Variants in ESR1 observed in about 807,000 individuals in gnomAD.
ESR1 encodes estrogen receptor.
In ESR1, 12 loss-of-function variants were observed where a neutral mutation model predicts 52.7. That is an observed-to-expected ratio of 0.23 (90% CI 0.15 to 0.37). The LOEUF (loss-of-function observed/expected upper bound fraction) is 0.37, where lower values mean the gene tolerates loss of function less well. Ranked by LOEUF, ESR1 falls within the 10% of genes least tolerant of loss-of-function variation. The pLI is 1.00. For missense variants in ESR1, 584 were observed against 779.7 expected (o/e 0.75, Z 2.99); for synonymous variants, 305 against 316.8 (o/e 0.96, Z 0.39).
At chr6:151,851,399 G>C (rs1786678218) in intron 2 of ESR1, among the ~76,000 whole-genome samples, 1 of 152,062 alleles carries the variant, frequency 6.6e-6, no homozygotes, top group Non-Finnish European at 1.5e-5. Context: ...GTCCTTAAAG[G>C]TGAGGGCCCA....
chr6:152,092,255 T>C (rs912079307), intron 6 of ESR1, among the ~76,000 whole-genome samples: 4 of 152,270 alleles, frequency 2.6e-5, no homozygotes, highest in Admixed American at 6.5e-5. Context: ...TTACTCATTC[T>C]GTGCTGTTTG....
chr6:151,785,367 T>C (rs1284854477), intron 2 of ESR1, among the ~76,000 whole-genome samples: 1 of 152,188 alleles, frequency 6.6e-6, no homozygotes, highest in Non-Finnish European at 1.5e-5. Flanking sequence ...TTTATACTTC[T>C]ACAATTTCCC....
chr6:151,963,725 AAGGTTGTATCC>A (rs2037932096), intron 4 of ESR1, among the ~76,000 whole-genome samples: 1 of 152,134 alleles, frequency 6.6e-6, no homozygotes, highest in Non-Finnish European at 1.5e-5. Flanking sequence ...CTGTGCATTC[AAGGTTGTATCC>A]AAAGAACTCA....
At chr6:151,991,901 C>T (rs1339850962) in intron 4 of ESR1, among the ~76,000 whole-genome samples, 2 of 152,086 alleles carry the variant, frequency 1.3e-5, no homozygotes, top group African/African-American at 2.4e-5. Flanking sequence ...CCACTCATCT[C>T]GTCGCAGACA....
chr6:152,071,044 C>T (rs985771368), intron 6 of ESR1, among the ~76,000 whole-genome samples: 1 of 95,656 alleles, frequency 1.0e-5, no homozygotes, highest in Non-Finnish European at 1.9e-5. Flanking sequence ...CTTGATTCAT[C>T]TGTAAAATAG....
At chr6:151,981,323 C>A (rs1399124568) in intron 4 of ESR1, among the ~76,000 whole-genome samples, 1 of 152,180 alleles carries the variant, frequency 6.6e-6, no homozygotes, top group African/African-American at 2.4e-5. Flanking sequence ...AACCAGAGAT[C>A]TGGAGAAGTT....
chr6:152,091,055 T>C (rs1322785743), intron 6 of ESR1, among the ~76,000 whole-genome samples: 1 of 152,216 alleles, frequency 6.6e-6, no homozygotes, highest in African/African-American at 2.4e-5. Context: ...CACTGTCTGC[T>C]CACTTGCTCT....
At chr6:151,809,151 C>G (rs764582681) in intron 1 of ESR1, 1 of 441,596 alleles carries the variant, frequency 2.3e-6, no homozygotes. Flanking sequence ...GCCTGTCCCA[C>G]CCGGGGAGAA....
chr6:151,995,511 A>G (rs968033224), intron 4 of ESR1, among the ~76,000 whole-genome samples: 2 of 152,242 alleles, frequency 1.3e-5, no homozygotes, highest in African/African-American at 4.8e-5. Context: ...TCCTGCTTCA[A>G]GTAAAATTAT....
chr6:151,778,419 T>TG (rs1420479970), intron 2 of ESR1, among the ~76,000 whole-genome samples: 2 of 151,956 alleles, frequency 1.3e-5, no homozygotes, highest in Non-Finnish European at 2.9e-5. Flanking sequence ...TTTTTTTTTT[T>TG]TTTTGAGACA....
At chr6:151,813,321 GAA>G (rs1779113391) in intron 1 of ESR1, 1 of 152,156 alleles carries the variant, frequency 6.6e-6, no homozygotes, top group African/African-American at 2.4e-5. Flanking sequence ...GGGCAAATAA[GAA>G]AGAGTATGAC....
intron 2 of ESR1, among the ~76,000 whole-genome samples, chr6:151,849,189 ATTTG>A (rs374016352): frequency 5.9e-5 from 9 of 151,916 alleles, no homozygotes; most frequent in African/African-American, 2.2e-4. Flanking sequence ...CTATTTATTC[ATTTG>A]TTTGATTATT....
intron 6 of ESR1, among the ~76,000 whole-genome samples, chr6:152,078,581 T>C (rs1314833221): frequency 6.6e-6 from 1 of 152,154 alleles, no homozygotes; most frequent in Non-Finnish European, 1.5e-5. Flanking sequence ...GATTTCTGCA[T>C]TTCCAACTGA....
chr6:151,906,972 A>G (rs952585542), intron 3 of ESR1, among the ~76,000 whole-genome samples: 3 of 151,810 alleles, frequency 2.0e-5, no homozygotes, highest in African/African-American at 7.3e-5. Context: ...TTTCCATTGA[A>G]TAACCAAATT....
chr6:152,006,095 G>A (rs1487715561), intron 4 of ESR1, among the ~76,000 whole-genome samples: 1 of 151,968 alleles, frequency 6.6e-6, no homozygotes, highest in East Asian at 1.9e-4. Context: ...TGTAGGGTAG[G>A]TTCAAGAGAA....
chr6:151,809,270 A>C, intron 1 of ESR1: 1 of 393,052 alleles, frequency 2.5e-6, no homozygotes, highest in Non-Finnish European at 5.5e-6. Context: ...TCAATGGCGA[A>C]GGTTGTGTGT....
At chr6:151,754,543 C>CT (rs1361698048) in intron 2 of ESR1, among the ~76,000 whole-genome samples, 1 of 152,198 alleles carries the variant, frequency 6.6e-6, no homozygotes, top group Non-Finnish European at 1.5e-5. Flanking sequence ...GGGACCACTG[C>CT]TAAATCCGAT....
rs767869916 is a variant in ESR1, at chr6:151,732,779, G to A, written c.-71+30774G>A. Among the ~76,000 whole-genome samples, 101 of 152,296 alleles carry A rather than the reference G, an allele frequency of 6.6e-4. 1 individual carries two copies. Among genetic ancestry groups the A allele is most frequent in the Middle Eastern group, 3.4e-3 (1 of 294 alleles). Reference sequence around the variant, plus strand: ...GCCGTCAGATCTCATCTTGCAGACTGTAACTACTGTAACCATGCCCCATGA... The same window carrying A: ...GCCGTCAGATCTCATCTTGCAGACTATAACTACTGTAACCATGCCCCATGA... On this transcript the variant is annotated intron_variant, in intron 2 of 2. Transcript: ENST00000404742.
At chr6:151,790,654 C>A (rs1233257695) in intron 2 of ESR1, among the ~76,000 whole-genome samples, 3 of 151,776 alleles carry the variant, frequency 2.0e-5, no homozygotes, top group East Asian at 3.9e-4. Context: ...TATCTGGGGA[C>A]CTCAGCCCAA....
Sources: allele counts gnomAD v4.1 joint callset (sites outside exome capture counted in the v4.1 genomes callset), GRCh38; gene constraint gnomAD v4.1.1; transcripts MANE v1.5; gene names NCBI Gene and HGNC (gene_info 2026-07-23, HGNC 2026-07-21).